ABCA4: variants seen among roughly 807,000 people sequenced by gnomAD.
ABCA4 encodes the protein ATP binding cassette subfamily A member 4, also known as retinal-specific phospholipid-transporting ATPase ABCA4.
Under a neutral mutation model 263.7 loss-of-function variants are expected in ABCA4, and 196 were observed. That is an observed-to-expected ratio of 0.74 (90% confidence interval 0.66 to 0.84). The LOEUF is 0.84. Among genes scored for constraint, ABCA4 ranks in the 40% least tolerant of loss-of-function variants. ABCA4 has a pLI of 0.00. For missense variants in ABCA4, 2,792 were observed against 2,855.1 expected, an observed-to-expected ratio of 0.98 and a Z score of 0.50; for synonymous variants, 1,133 against 1,094.2, an observed-to-expected ratio of 1.04 and a Z score of -0.70.
intron 1 of ABCA4, among the ~76,000 whole-genome samples, chr1:94,119,909 TCTCC>T (rs573467915): frequency 6.6e-6 from 1 of 151,908 alleles, no homozygotes; most frequent in Non-Finnish European, 1.5e-5. Context: ...CTAAAGCAGG[TCTCC>T]CTCCCTTTCC....
rs191300078 is a variant in ABCA4 at position 93,997,415 on chromosome 1, G to A, written c.6729+446C>T. On this transcript the variant is annotated intron_variant, in intron 48 of 49. Transcript: ENST00000370225. ...TGGGACCACAGGCATGCACCACCACGCCTGGCTAATTTTCTGATTTTTTTT... is the reference window on the plus strand; with the variant it reads ...TGGGACCACAGGCATGCACCACCACACCTGGCTAATTTTCTGATTTTTTTT... Among the ~76,000 whole-genome samples the A allele has an allele frequency of 2.1e-3, 315 of 150,094 alleles. 3 individuals are homozygous for A. The highest frequency in any genetic ancestry group is 2.4e-3 in the Non-Finnish European group (161 of 67,752).
chr1:94,063,246 C>T lies in ABCA4; in HGVS notation c.1626G>A (p.Leu542=). 6.2e-7 allele frequency: 1 copy of T among 1,614,122 alleles called. No homozygotes were observed. Among genetic ancestry groups the T allele is most frequent in the Admixed American group, 1.7e-5 (1 of 60,012 alleles). The part of the protein sequence containing the change: ...TQLTQRALSL[L]EENMFWAGVV... ...CTCCGGCCCAGAACATGTTTTCCTCCAGTAGAGAGAGGGCACGTTGGGTGA... is the reference window on the plus strand; with the variant it reads ...CTCCGGCCCAGAACATGTTTTCCTCTAGTAGAGAGAGGGCACGTTGGGTGA... The change falls in exon 12 of 50, where the codon CTG becomes CTA. Residue 542 remains leucine (L), a synonymous_variant. Coordinates refer to ENST00000370225, the MANE Select transcript of ABCA4 (RefSeq NM_000350.3).
At chr1:94,090,605 G>A (rs1431943805) in intron 6 of ABCA4, among the ~76,000 whole-genome samples, 2 of 152,114 alleles carry the variant, frequency 1.3e-5, no homozygotes, top group East Asian at 1.9e-4. Context: ...GGGATTAGGT[G>A]CCCCTCCTAG....
At chr1:94,068,107 C>A (rs1455632464) in intron 11 of ABCA4, among the ~76,000 whole-genome samples, 2 of 152,122 alleles carry the variant, frequency 1.3e-5, no homozygotes, top group Admixed American at 1.3e-4. Flanking sequence ...CTGAGCTGAT[C>A]CATAACACCT....
chr1:94,090,972 C>T (rs1180053786), intron 6 of ABCA4, among the ~76,000 whole-genome samples: 1 of 152,070 alleles, frequency 6.6e-6, no homozygotes, highest in Non-Finnish European at 1.5e-5. Flanking sequence ...AAGAGACAAA[C>T]TGATGACTGT....
In ABCA4 at chr1:94,044,655, T is replaced by C. The variant is rs764324152; in HGVS notation, c.3008A>G (p.Gln1003Arg). The change falls in exon 20 of 50, where the codon CAG (glutamine) becomes CGG (arginine). Residue 1003 changes from glutamine to arginine, a missense_variant. Physicochemically the swap from Gln to Arg is conservative, Grantham distance 43. Coordinates refer to ENST00000370225, the MANE Select transcript of ABCA4 (RefSeq NM_000350.3). ...DIETSLDAVR[Q>R]SLGMCPQHNI... ...GTGCTGTGGACACATGCCAAGGCTC[T>C]GCCGGACTGCATCCAGGCTGGTTTC... 3.7e-6 allele frequency: 6 copies of C among 1,614,126 alleles called. No homozygotes were observed. In the Admixed American group the frequency reaches 1.0e-4, roughly 27 times the overall value.
intron 13 of ABCA4, chr1:94,061,248 A>T: frequency 4.9e-6 from 1 of 202,508 alleles, no homozygotes; most frequent in Non-Finnish European, 1.0e-5. Context: ...CCCTAGTTAC[A>T]CAAAAAGACA....
intron 41 of ABCA4, 125 bp from the exon 42 acceptor site, chr1:94,008,422 A>C (rs964145736): frequency 1.0e-4 from 97 of 969,944 alleles, no homozygotes; most frequent in Non-Finnish European, 2.0e-5. Flanking sequence ...ACATATTGAC[A>C]TGGGCAGGCA....
chr1:94,113,124 C>A, intron 1 of ABCA4, 58 bp from the exon 2 acceptor site: 1 of 1,541,426 alleles, frequency 6.5e-7, no homozygotes, highest in Non-Finnish European at 9.0e-7. Flanking sequence ...TTATAGAAAA[C>A]GTAACCAGAG....
At chr1:94,071,193 C>T (rs915733840) in intron 11 of ABCA4, among the ~76,000 whole-genome samples, 4 of 152,176 alleles carry the variant, frequency 2.6e-5, no homozygotes. Flanking sequence ...TAATGACATG[C>T]TTATCTCTCC....
At chr1:94,074,959 C>T (rs1286484409) in intron 11 of ABCA4, among the ~76,000 whole-genome samples, 2 of 152,194 alleles carry the variant, frequency 1.3e-5, no homozygotes, top group South Asian at 2.1e-4. Context: ...GGTACATATA[C>T]ACCATAGAAT....
intron 5 of ABCA4, among the ~76,000 whole-genome samples, chr1:94,101,751 C>T (rs1233845248): frequency 6.6e-6 from 1 of 152,206 alleles, no homozygotes; most frequent in African/African-American, 2.4e-5. Flanking sequence ...ATCTAGCATT[C>T]TCGCTGTGTT....
chr1:94,113,964 G>A (rs930178959), intron 1 of ABCA4, among the ~76,000 whole-genome samples: 3 of 152,200 alleles, frequency 2.0e-5, no homozygotes, highest in East Asian at 1.9e-4. Context: ...GAGAGGAAGA[G>A]GGAGAGGGAC....
At chr1:94,026,852 T>C (rs1344541092) in intron 30 of ABCA4, among the ~76,000 whole-genome samples, 1 of 152,128 alleles carries the variant, frequency 6.6e-6, no homozygotes, top group African/African-American at 2.4e-5. Context: ...TCTGGACTTA[T>C]TCCAGGCTGA....
intron 26 of ABCA4, among the ~76,000 whole-genome samples, chr1:94,032,583 C>T (rs1292740447): frequency 6.6e-6 from 1 of 152,112 alleles, no homozygotes; most frequent in East Asian, 1.9e-4. Context: ...TTGCGTAAGC[C>T]GAGATTGCAA....
chr1:94,014,360 A>G (rs1172675899), intron 38 of ABCA4, among the ~76,000 whole-genome samples, 183 bp downstream of exon 38: 1 of 136,224 alleles, frequency 7.3e-6, no homozygotes, highest in Non-Finnish European at 1.5e-5. Context: ...AGAAGGAAAG[A>G]GGAAGGAAGG....
At chr1:93,996,939 G>A (rs1659022369) in intron 48 of ABCA4, among the ~76,000 whole-genome samples, 1 of 152,202 alleles carries the variant, frequency 6.6e-6, no homozygotes, top group Non-Finnish European at 1.5e-5. Context: ...ATCTATAGTA[G>A]TCAGAGCCTT....
chr1:94,000,956 A>C (rs754121751), intron 46 of ABCA4, 28 bp from the exon 47 acceptor site: 5 of 1,613,938 alleles, frequency 3.1e-6, no homozygotes, highest in Non-Finnish European at 3.4e-6. Context: ...GGAGGTGAGC[A>C]GGAGAGGATT....
At chr1:94,054,603 C>T (rs941399828) in intron 16 of ABCA4, among the ~76,000 whole-genome samples, 5 of 151,996 alleles carry the variant, frequency 3.3e-5, no homozygotes, top group Admixed American at 2.0e-4. Context: ...GAAATGCGCT[C>T]GGTGTATTAA....
Sources: gnomAD v4.1 joint callset for allele counts (sites outside exome capture counted in the v4.1 genomes callset) on GRCh38, gnomAD v4.1.1 for gene constraint, MANE v1.5 for transcripts, NCBI Gene and HGNC (gene_info 2026-07-23, HGNC 2026-07-21) for gene names.